GUCA1C: variants seen among roughly 807,000 people sequenced by gnomAD.
GUCA1C encodes guanylyl cyclase-activating protein 3.
In GUCA1C, 15 loss-of-function variants were observed where a neutral mutation model predicts 16.2. The observed-to-expected ratio is 0.93, with a 90% CI of 0.62 to 1.43. GUCA1C has a LOEUF of 1.43. Ranked by LOEUF, GUCA1C falls within the 40% of genes most tolerant of loss-of-function variation. GUCA1C has a pLI of 0.00. For synonymous variants in GUCA1C, 78 were observed against 85.4 expected, an observed-to-expected ratio of 0.91 and a Z score of 0.48; for missense variants, 275 against 244.8, an observed-to-expected ratio of 1.12 and a Z score of -0.82.
At chr3:108,925,962 C>T (rs965968373) in intron 1 of GUCA1C, among the ~76,000 whole-genome samples, 14 of 152,082 alleles carry the variant, frequency 9.2e-5, no homozygotes, top group Non-Finnish European at 1.8e-4. Flanking sequence ...TGGCAGATGC[C>T]TGTAATCCCA....
chr3:108,924,924 T>C (rs537452516), intron 1 of GUCA1C, among the ~76,000 whole-genome samples: 75 of 152,284 alleles, frequency 4.9e-4, no homozygotes, highest in African/African-American at 1.7e-3. Context: ...CAAAAAGGTG[T>C]TCATAGCAGC....
chr3:108,908,356 CAA>C (rs540540488), intron 3 of GUCA1C, 147 bp from the exon 4 acceptor site: 21,572 of 308,224 alleles, frequency 0.07, no homozygotes, highest in East Asian at 0.095. Flanking sequence ...TTCATTTAAA[CAA>C]AAAAAAAAAA....
chr3:108,911,431 T>C (rs569006556), intron 3 of GUCA1C, among the ~76,000 whole-genome samples: 2 of 152,260 alleles, frequency 1.3e-5, no homozygotes, highest in South Asian at 4.1e-4. Flanking sequence ...TATAACTTCA[T>C]AAAATATTGA....
In GUCA1C at chr3:108,936,622, A is replaced by G. The variant is rs573225186; in HGVS notation, c.205-16037T>C. Among the ~76,000 whole-genome samples, 5 of 152,292 alleles carry G rather than the reference A, an allele frequency of 3.3e-5. No homozygotes were observed. In the South Asian group the frequency reaches 8.3e-4, roughly 25 times the overall value. ...TTCATTACAATTAAATTGTCTTTCTAGGAGAGGCGTCACAGACTTGAGTAG... is the reference window on the plus strand; with the variant it reads ...TTCATTACAATTAAATTGTCTTTCTGGGAGAGGCGTCACAGACTTGAGTAG... On this transcript the variant is annotated intron_variant, in intron 1 of 3. Coordinates refer to ENST00000261047, the MANE Select transcript of GUCA1C (RefSeq NM_005459.4).
intron 3 of GUCA1C, among the ~76,000 whole-genome samples, chr3:108,912,103 C>CAATAATAATAATAATAATAATAATAAT (rs144187451): frequency 0.019 from 2,351 of 125,632 alleles, 30 homozygotes; most frequent in East Asian, 0.029. Flanking sequence ...GACTCCGTCT[C>CAATAATAATAATAATAATAATAATAAT]AATAATAATA....
At chr3:108,918,499 C>T (rs2593916) in intron 2 of GUCA1C, among the ~76,000 whole-genome samples, 152,123 of 152,332 alleles carry the variant, frequency 1, 75,958 homozygotes, top group Middle Eastern at 1. Context: ...ACTGCTGTGG[C>T]CCTCAAATTG....
intron 1 of GUCA1C, among the ~76,000 whole-genome samples, chr3:108,932,493 A>G (rs1405025864): frequency 6.6e-6 from 1 of 152,190 alleles, no homozygotes; most frequent in Non-Finnish European, 1.5e-5. Flanking sequence ...AGGCAATTTT[A>G]TCATCTAGCC....
At chr3:108,922,139 G>A (rs1264677044) in intron 1 of GUCA1C, among the ~76,000 whole-genome samples, 1 of 149,098 alleles carries the variant, frequency 6.7e-6, no homozygotes, top group African/African-American at 2.5e-5. Flanking sequence ...ATTCCATGGT[G>A]TATACACACA....
In GUCA1C at chr3:108,936,101, C is replaced by T. The variant is rs186029602; in HGVS notation, c.205-15516G>A. Among the ~76,000 whole-genome samples, 266 of 151,994 alleles carry T rather than the reference C, an allele frequency of 1.8e-3. 2 individuals are homozygous for T. The highest frequency in any genetic ancestry group is 6.1e-3 in the African/African-American group (253 of 41,482). On this transcript the variant is annotated intron_variant, in intron 1 of 3. Transcript: ENST00000261047. ...GCAACATGGTGAAGCCCCGTCTCTACAAAAAATACAAAAATAAACCAGGTG... is the reference window on the plus strand; with the variant it reads ...GCAACATGGTGAAGCCCCGTCTCTATAAAAAATACAAAAATAAACCAGGTG...
At chr3:108,949,204 G>C (rs1033219044) in intron 1 of GUCA1C, among the ~76,000 whole-genome samples, 3 of 152,092 alleles carry the variant, frequency 2.0e-5, no homozygotes, top group African/African-American at 4.8e-5. Context: ...TTTTCTGTGA[G>C]TCTTATTAAT....
intron 1 of GUCA1C, among the ~76,000 whole-genome samples, chr3:108,927,432 C>CTTTTTTTTTTTTTTTTTTT (rs55930777): frequency 2.3e-5 from 3 of 128,272 alleles, no homozygotes; most frequent in African/African-American, 5.9e-5. Context: ...TTTTTTAATT[C>CTTTTTTTTTTTTTTTTTTT]TTTTTTTTTT....
At chr3:108,928,091 A>AT in intron 1 of GUCA1C, among the ~76,000 whole-genome samples, 2 of 152,190 alleles carry the variant, frequency 1.3e-5, no homozygotes, top group Non-Finnish European at 2.9e-5. Flanking sequence ...CGTGGATACC[A>AT]CCACAGTTTT....
intron 1 of GUCA1C, among the ~76,000 whole-genome samples, chr3:108,948,456 C>T (rs1472208050): frequency 1.3e-5 from 2 of 152,110 alleles, no homozygotes; most frequent in Non-Finnish European, 2.9e-5. Flanking sequence ...TATAAATTAC[C>T]CAGTCTCACG....
At chr3:108,938,719 G>T (rs1284463158) in intron 1 of GUCA1C, among the ~76,000 whole-genome samples, 2 of 152,148 alleles carry the variant, frequency 1.3e-5, no homozygotes, top group African/African-American at 4.8e-5. Flanking sequence ...GAAATATACT[G>T]CTGGCTTGGA....
In GUCA1C at chr3:108,910,134, T is replaced by C. The variant is rs543340148; in HGVS notation, c.443-1925A>G. Among the ~76,000 whole-genome samples, 4 of 152,324 alleles carry C rather than the reference T, an allele frequency of 2.6e-5. No homozygotes were observed. The South Asian group carries it at 6.2e-4, about 24-fold the overall frequency. Reference sequence around the variant, plus strand: ...GACTGTGGATTTACGCCCCAACAAATTAAAAGAATGGGCTTCCGTATTTCC... The same window carrying C: ...GACTGTGGATTTACGCCCCAACAAACTAAAAGAATGGGCTTCCGTATTTCC... On this transcript the variant is annotated intron_variant, in intron 3 of 3. Coordinates refer to ENST00000261047, the MANE Select transcript of GUCA1C (RefSeq NM_005459.4).
chr3:108,945,041 A>T (rs34296710), intron 1 of GUCA1C, among the ~76,000 whole-genome samples: 1 of 152,224 alleles, frequency 6.6e-6, no homozygotes, highest in Non-Finnish European at 1.5e-5. Context: ...ATGTCAGTAC[A>T]GCAGAAGGAA....
chr3:108,946,496 T>C (rs566877705), intron 1 of GUCA1C, among the ~76,000 whole-genome samples: 10 of 152,204 alleles, frequency 6.6e-5, no homozygotes, highest in Non-Finnish European at 1.2e-4. Flanking sequence ...TTCCTTGTTA[T>C]ACATGGAGTT....
intron 1 of GUCA1C, among the ~76,000 whole-genome samples, chr3:108,930,568 T>C (rs533496880): frequency 6.6e-6 from 1 of 152,394 alleles, no homozygotes; most frequent in South Asian, 2.1e-4. Flanking sequence ...GATGTTTTAC[T>C]TTTACAGTCA....
intron 1 of GUCA1C, among the ~76,000 whole-genome samples, chr3:108,946,891 G>GA (rs10607933): frequency 0.043 from 4,114 of 96,288 alleles, 116 homozygotes; most frequent in Non-Finnish European, 0.062. Context: ...TCAAGAATCT[G>GA]AAAAAAAAAA....
Sources: gnomAD v4.1 joint callset for allele counts (sites outside exome capture counted in the v4.1 genomes callset) on GRCh38, gnomAD v4.1.1 for gene constraint, MANE v1.5 for transcripts, NCBI Gene and HGNC (gene_info 2026-07-23, HGNC 2026-07-21) for gene names.